The following CDIN1 variants were observed in gnomAD, a reference collection of about 807,000 sequenced individuals.
CDIN1 encodes the protein CDAN1-interacting nuclease 1.
A neutral mutation model predicts 45.3 loss-of-function variants in CDIN1; 33 were observed. The ratio of observed to expected loss-of-function variants is 0.73; its 90% CI spans 0.55 to 0.97. The LOEUF is 0.97. Among genes scored for constraint, CDIN1 ranks in the 50% least tolerant of loss-of-function variants. The probability of loss-of-function intolerance (pLI) is 0.00; values close to 1 mark genes in which losing one functional copy is unlikely to be tolerated. For missense variants in CDIN1, 303 were observed against 339.4 expected, an observed-to-expected ratio of 0.89 and a Z score of 0.84; for synonymous variants, 118 against 124.4, an observed-to-expected ratio of 0.95 and a Z score of 0.34.
At chr15:36,691,028 A>G (rs1472867817) in intron 5 of CDIN1, 2 of 405,470 alleles carry the variant, frequency 4.9e-6, no homozygotes, top group Admixed American at 3.2e-5. Context: ...AAGTTGAGGC[A>G]TATTTTGGGT....
At chr15:36,788,308 G>T (rs900560166) in intron 10 of CDIN1, among the ~76,000 whole-genome samples, 2 of 151,076 alleles carry the variant, frequency 1.3e-5, no homozygotes, top group African/African-American at 4.9e-5. Context: ...TAGAGACAGG[G>T]TTTCTACATG....
chr15:36,775,837 G>A (rs2054205006), intron 10 of CDIN1, among the ~76,000 whole-genome samples: 6 of 151,996 alleles, frequency 3.9e-5, no homozygotes, highest in Admixed American at 3.9e-4. Flanking sequence ...TTTTCCTTAA[G>A]AGCTTAGAAT....
intron 1 of CDIN1, among the ~76,000 whole-genome samples, chr15:36,592,972 C>A (rs2140195091): frequency 6.6e-6 from 1 of 152,140 alleles, no homozygotes; most frequent in Middle Eastern, 3.4e-3. Context: ...GGTAGTTATT[C>A]CAGTATAAAA....
chr15:36,743,922 G>C (rs2044326952), intron 10 of CDIN1, among the ~76,000 whole-genome samples: 1 of 150,588 alleles, frequency 6.6e-6, no homozygotes, highest in Non-Finnish European at 1.5e-5. Context: ...ACACGAGGCT[G>C]TCTGTAAACC....
chr15:36,728,410 A>G (rs904785184), intron 10 of CDIN1, among the ~76,000 whole-genome samples: 1 of 152,124 alleles, frequency 6.6e-6, no homozygotes, highest in Non-Finnish European at 1.5e-5. Flanking sequence ...AATCCTCTGC[A>G]TCTTGAAAGG....
At chr15:36,584,252 A>T (rs1196131070) in intron 1 of CDIN1, among the ~76,000 whole-genome samples, 1 of 152,178 alleles carries the variant, frequency 6.6e-6, no homozygotes, top group African/African-American at 2.4e-5. Context: ...TGTTCAACAG[A>T]GCGAGACCCT....
chr15:36,709,831 A>G lies in CDIN1; in HGVS notation c.611-25A>G, dbSNP rs117412070. The stretch of plus-strand genomic sequence containing the variant: ...TTCAATCTTCCCCTCCCTTCTCCGT[A>G]TATTAGTAATGCTTTGTCCCTTAGC... On this transcript the variant is annotated intron_variant, in intron 9 of 10. Coordinates refer to ENST00000566621, the MANE Select transcript of CDIN1 (RefSeq NM_001321759.2). The G allele has an allele frequency of 4.4e-3, 6,957 of 1,576,756 alleles. 23 individuals are homozygous for G. Among genetic ancestry groups the G allele is most frequent in the Non-Finnish European group, 4.7e-3 (5,337 of 1,146,206 alleles).
At chr15:36,603,977 A>G (rs762949204) in intron 1 of CDIN1, among the ~76,000 whole-genome samples, 1 of 152,216 alleles carries the variant, frequency 6.6e-6, no homozygotes, top group African/African-American at 2.4e-5. Context: ...GTGTAGGTAA[A>G]CACTATTTCA....
chr15:36,652,993 TAAAGGA>T (rs751195059), intron 3 of CDIN1, among the ~76,000 whole-genome samples: 2 of 152,160 alleles, frequency 1.3e-5, no homozygotes, highest in Non-Finnish European at 2.9e-5. Context: ...TTTCATTTGT[TAAAGGA>T]AAAGTATAAG....
intron 1 of CDIN1, among the ~76,000 whole-genome samples, chr15:36,635,382 A>AT (rs2039855317): frequency 6.6e-6 from 1 of 151,970 alleles, no homozygotes; most frequent in Non-Finnish European, 1.5e-5. Flanking sequence ...TTATATGTGG[A>AT]TTTTTTTTCA....
intron 10 of CDIN1, among the ~76,000 whole-genome samples, chr15:36,804,065 A>C (rs766637276): frequency 6.6e-6 from 1 of 152,202 alleles, no homozygotes; most frequent in Non-Finnish European, 1.5e-5. Context: ...GACCTTAGGC[A>C]ATCTACTTAA....
intron 10 of CDIN1, among the ~76,000 whole-genome samples, chr15:36,768,990 A>T (rs528566533): frequency 2.0e-5 from 3 of 151,742 alleles, no homozygotes; most frequent in Non-Finnish European, 4.4e-5. Flanking sequence ...GATCTGTTAT[A>T]AAAAAAAATT....
intron 10 of CDIN1, among the ~76,000 whole-genome samples, chr15:36,753,818 C>T (rs1313397418): frequency 6.6e-6 from 1 of 151,808 alleles, no homozygotes; most frequent in African/African-American, 2.4e-5. Flanking sequence ...AACAAAAGCC[C>T]CTTTTCACCC....
At chr15:36,682,695 G>A (rs758854310) in intron 5 of CDIN1, among the ~76,000 whole-genome samples, 1 of 148,716 alleles carries the variant, frequency 6.7e-6, no homozygotes, top group Non-Finnish European at 1.5e-5. Flanking sequence ...TATTGAGCCT[G>A]GAAGGTTGAG....
intron 10 of CDIN1, among the ~76,000 whole-genome samples, chr15:36,717,747 T>C (rs943500771): frequency 1.1e-4 from 16 of 152,180 alleles, no homozygotes; most frequent in African/African-American, 3.9e-4. Context: ...TTTTACAAAA[T>C]GACTAAACTC....
chr15:36,772,082 T>C (rs982840725), intron 10 of CDIN1, among the ~76,000 whole-genome samples: 5 of 152,248 alleles, frequency 3.3e-5, no homozygotes, highest in Non-Finnish European at 4.4e-5. Context: ...TCTTTGGTTC[T>C]TCTTTTCTTA....
chr15:36,749,767 T>A (rs994842310), intron 10 of CDIN1, among the ~76,000 whole-genome samples: 2 of 152,064 alleles, frequency 1.3e-5, no homozygotes, highest in Non-Finnish European at 2.9e-5. Flanking sequence ...GTGTTCTTTT[T>A]TCACGCTGAT....
intron 5 of CDIN1, 23 bp downstream of exon 5, chr15:36,657,928 T>C (rs747142710): frequency 1.3e-6 from 2 of 1,579,622 alleles, no homozygotes; most frequent in Non-Finnish European, 1.7e-6. Flanking sequence ...TTTTTCCTAA[T>C]GGTACTCTTT....
intron 10 of CDIN1, among the ~76,000 whole-genome samples, chr15:36,778,595 G>A (rs2054276313): frequency 6.6e-6 from 1 of 152,102 alleles, no homozygotes; most frequent in Non-Finnish European, 1.5e-5. Context: ...AGTTTAATTT[G>A]TATGTATTTA....
Sources: allele counts gnomAD v4.1 joint callset (sites outside exome capture counted in the v4.1 genomes callset), GRCh38; gene constraint gnomAD v4.1.1; transcripts MANE v1.5; gene names NCBI Gene and HGNC (gene_info 2026-07-23, HGNC 2026-07-21).